The following PRKCH variants were observed in gnomAD, a reference collection of about 807,000 sequenced individuals.
PRKCH encodes protein kinase C eta type.
PRKCH carries 28 observed loss-of-function variants against 82.5 expected under a neutral mutation model. The ratio of observed to expected loss-of-function variants is 0.34; its 90% confidence interval spans 0.25 to 0.47. PRKCH has a LOEUF of 0.47. Among genes scored for constraint, PRKCH ranks in the 20% least tolerant of loss-of-function variants. The pLI, the probability that PRKCH is intolerant of heterozygous loss-of-function variation, is 1.00. For missense variants in PRKCH, 705 were observed against 881.8 expected (o/e 0.80, Z 2.54); for synonymous variants, 322 against 327.4 (o/e 0.98, Z 0.18).
At chr14:61,413,892 CA>C (rs1882418089) in intron 2 of PRKCH, among the ~76,000 whole-genome samples, 2 of 152,248 alleles carry the variant, frequency 1.3e-5, no homozygotes, top group South Asian at 4.1e-4. Flanking sequence ...TCTATATTGC[CA>C]AATCCAGTAA....
At chr14:61,438,196 A>T (rs777866867) in intron 2 of PRKCH, among the ~76,000 whole-genome samples, 1 of 152,096 alleles carries the variant, frequency 6.6e-6, no homozygotes, top group Non-Finnish European at 1.5e-5. Flanking sequence ...CAGGCTCCAG[A>T]TTCCACAGCC....
intron 3 of PRKCH, among the ~76,000 whole-genome samples, chr14:61,443,864 T>G (rs1884090130): frequency 6.6e-6 from 1 of 152,148 alleles, no homozygotes; most frequent in Admixed American, 6.5e-5. Flanking sequence ...CAGTGGCAAA[T>G]GTAAAATAAA....
intron 1 of PRKCH, among the ~76,000 whole-genome samples, chr14:61,245,604 C>T (rs1386153290): frequency 1.3e-5 from 2 of 151,988 alleles, no homozygotes; most frequent in East Asian, 1.9e-4. Flanking sequence ...GGTGAAAGAG[C>T]GCTGATGAGA....
chr14:61,350,782 C>T (rs190895161), intron 1 of PRKCH, among the ~76,000 whole-genome samples: 115 of 152,340 alleles, frequency 7.5e-4, no homozygotes, highest in Non-Finnish European at 1.5e-3. Flanking sequence ...CTTAGACCCT[C>T]ATCTAACCCA....
intron 1 of PRKCH, chr14:61,326,772 C>A: frequency 5.0e-6 from 1 of 200,092 alleles, no homozygotes; most frequent in South Asian, 7.3e-5. Context: ...AAAATGAAAT[C>A]ACAATAAAAC....
At chr14:61,191,632 C>T (rs2044407276) in intron 1 of PRKCH, among the ~76,000 whole-genome samples, 1 of 150,690 alleles carries the variant, frequency 6.6e-6, no homozygotes, top group Non-Finnish European at 1.5e-5. Context: ...GAGATGGAGC[C>T]ACTGCACTGC....
intron 1 of PRKCH, among the ~76,000 whole-genome samples, chr14:61,203,401 ACAGAGAAG>A (rs1244506981): frequency 6.6e-6 from 1 of 152,202 alleles, no homozygotes; most frequent in African/African-American, 2.4e-5. Flanking sequence ...GAAAGCCAGC[ACAGAGAAG>A]CAGATAATGC....
At chr14:61,446,362 C>T (rs1047963466) in intron 4 of PRKCH, among the ~76,000 whole-genome samples, 1 of 152,224 alleles carries the variant, frequency 6.6e-6, no homozygotes, top group Admixed American at 6.5e-5. Context: ...TAGCCAGGCC[C>T]ATCAGGCTTG....
chr14:61,203,140 G>A (rs2044495529), intron 1 of PRKCH, among the ~76,000 whole-genome samples: 1 of 151,992 alleles, frequency 6.6e-6, no homozygotes, highest in South Asian at 2.1e-4. Context: ...TTCAGTTACT[G>A]ACTGCTGCCT....
At chr14:61,505,395 C>CTTTTTCTTTTTTTTTTTTTTTTTTTT (rs1887099057) in intron 10 of PRKCH, among the ~76,000 whole-genome samples, 3 of 55,740 alleles carry the variant, frequency 5.4e-5, no homozygotes, top group African/African-American at 1.3e-4. Context: ...CTTTTCTTTT[C>CTTTTTCTTTTTTTTTTTTTTTTTTTT]TTTTTTTTTT....
At chr14:61,228,352 C>T (rs749069576) in intron 1 of PRKCH, among the ~76,000 whole-genome samples, 3 of 152,170 alleles carry the variant, frequency 2.0e-5, no homozygotes, top group Non-Finnish European at 2.9e-5. Context: ...TAATGTGTTG[C>T]GCTCTGTTTA....
intron 1 of PRKCH, among the ~76,000 whole-genome samples, chr14:61,389,419 A>G (rs532524626): frequency 3.9e-5 from 6 of 152,080 alleles, no homozygotes; most frequent in Non-Finnish European, 8.8e-5. Context: ...TGCCAGGCAC[A>G]GTGACTCACA....
At chr14:61,308,075 A>T (rs2045495826) in intron 1 of PRKCH, among the ~76,000 whole-genome samples, 1 of 152,154 alleles carries the variant, frequency 6.6e-6, no homozygotes, top group Non-Finnish European at 1.5e-5. Flanking sequence ...CCTGGCTTCA[A>T]GTTATCCTCC....
chr14:61,224,886 C>G (rs1444559748), intron 1 of PRKCH, among the ~76,000 whole-genome samples: 2 of 152,112 alleles, frequency 1.3e-5, no homozygotes, highest in African/African-American at 4.8e-5. Context: ...TTGGCAGGGC[C>G]CTTAGGAGTG....
intron 1 of PRKCH, among the ~76,000 whole-genome samples, chr14:61,286,160 G>A (rs1441204204): frequency 2.0e-5 from 3 of 152,122 alleles, no homozygotes; most frequent in African/African-American, 7.2e-5. Context: ...CCTTATATAG[G>A]TTTATACTGC....
chr14:61,485,865 G>A (rs11629119), intron 10 of PRKCH, among the ~76,000 whole-genome samples: 7,580 of 152,066 alleles, frequency 0.05, 271 homozygotes, highest in East Asian at 0.093. Context: ...CACTGCAGCC[G>A]GTCCATCTGG....
At chr14:61,281,076 G>A (rs1220637317) in intron 1 of PRKCH, 2 of 1,517,460 alleles carry the variant, frequency 1.3e-6, no homozygotes, top group African/African-American at 1.4e-5. Context: ...GCTGCCAGGC[G>A]GGGAGGCGCT....
rs148483122 is a variant in PRKCH, at chr14:61,466,094, C to G, written c.1278+8415C>G. ...CTGCCCAAGATAGTGAATTGGCAGA[C>G]CCGTTCCCCTCCCCAGCCTCAAAAA... On this transcript the variant is annotated intron_variant, in intron 9 of 13. Coordinates refer to ENST00000332981, the MANE Select transcript of PRKCH (RefSeq NM_006255.5). 9.8e-3 allele frequency among the ~76,000 whole-genome samples: 1,487 copies of G among 152,198 alleles called. 27 individuals carry two copies. Among genetic ancestry groups the G allele is most frequent in the African/African-American group, 0.034 (1,423 of 41,500 alleles).
chr14:61,475,372 C>A (rs1348354717), intron 9 of PRKCH, among the ~76,000 whole-genome samples: 1 of 152,138 alleles, frequency 6.6e-6, no homozygotes, highest in Non-Finnish European at 1.5e-5. Flanking sequence ...TAGTGTATTT[C>A]AAATGTGGAT....
Sources: gnomAD v4.1 joint callset for allele counts (sites outside exome capture counted in the v4.1 genomes callset) on GRCh38, gnomAD v4.1.1 for gene constraint, MANE v1.5 for transcripts, NCBI Gene and HGNC (gene_info 2026-07-23, HGNC 2026-07-21) for gene names.